The following SH3RF1 variants were observed in gnomAD, a reference collection of about 807,000 sequenced individuals.
The protein encoded by SH3RF1 is SH3 domain containing ring finger 1.
Under a neutral mutation model 74.0 loss-of-function variants are expected in SH3RF1, and 32 were observed. The observed-to-expected ratio is 0.43, with a 90% CI of 0.33 to 0.58. The LOEUF (loss-of-function observed/expected upper bound fraction) is 0.58, where lower values mean the gene tolerates loss of function less well. Among genes scored for constraint, SH3RF1 ranks in the 20% least tolerant of loss-of-function variants. The probability of loss-of-function intolerance (pLI) is 0.05; values close to 1 mark genes in which losing one functional copy is unlikely to be tolerated. For synonymous variants in SH3RF1, 396 were observed against 439.6 expected (o/e 0.90, Z 1.24); for missense variants, 954 against 1,130.9 (o/e 0.84, Z 2.24).
At chr4:169,148,041 A>G (rs1379582517) in intron 4 of SH3RF1, among the ~76,000 whole-genome samples, 6 of 152,198 alleles carry the variant, frequency 3.9e-5, no homozygotes, top group African/African-American at 1.4e-4. Context: ...AACCTCAGAT[A>G]TTTAAAATTG....
chr4:169,108,634 G>A (rs911502078), intron 10 of SH3RF1, among the ~76,000 whole-genome samples: 1 of 152,196 alleles, frequency 6.6e-6, no homozygotes, highest in Non-Finnish European at 1.5e-5. Flanking sequence ...ACTCTCCCGG[G>A]TAGAGGAAGA....
In SH3RF1 at chr4:169,106,892, G is replaced by T; in HGVS notation, c.2453C>A (p.Ser818Tyr). 6.2e-7 allele frequency: 1 copy of T among 1,613,092 alleles called. No homozygotes were observed. Among genetic ancestry groups the T allele is most frequent in the Non-Finnish European group, 8.5e-7 (1 of 1,179,700 alleles). The stretch of plus-strand genomic sequence containing the variant: ...AGACTCATTCAAGACAGGACCCAGG[G>T]AGGAACAGGCCTGGCGAGGAGGTGG... ...IAPPPRQACS[S>Y]LGPVLNESRP... The change falls in exon 11 of 12, where the codon TCC (serine) becomes TAC (tyrosine). Residue 818 changes from serine (S) to tyrosine (Y), a missense_variant. Physicochemically the swap from Ser to Tyr is moderately radical, Grantham distance 144. This residue lies in a region of SH3RF1 where 854 missense variants were observed against 962.5 expected (regional missense o/e 0.89). Transcript: ENST00000284637.
At chr4:169,097,169 C>T (rs908057634) in intron 11 of SH3RF1, among the ~76,000 whole-genome samples, 16 of 152,186 alleles carry the variant, frequency 1.1e-4, no homozygotes, top group African/African-American at 3.1e-4. Context: ...GTTGTAAGCA[C>T]ACAGAGGTCA....
intron 2 of SH3RF1, among the ~76,000 whole-genome samples, chr4:169,181,877 T>C (rs1429711084): frequency 6.6e-6 from 1 of 152,228 alleles, no homozygotes; most frequent in African/African-American, 2.4e-5. Context: ...CCTGCTTTAT[T>C]TCTCTTCATA....
At chr4:169,183,955 C>T (rs1163001201) in intron 2 of SH3RF1, among the ~76,000 whole-genome samples, 2 of 152,162 alleles carry the variant, frequency 1.3e-5, no homozygotes, top group Non-Finnish European at 2.9e-5. Context: ...ATGAGCAGGG[C>T]TAACAGGAAG....
At chr4:169,176,851 T>C (rs544936471) in intron 2 of SH3RF1, among the ~76,000 whole-genome samples, 1 of 152,342 alleles carries the variant, frequency 6.6e-6, no homozygotes, top group African/African-American at 2.4e-5. Context: ...ATTTATATAG[T>C]TCCTTGATTA....
chr4:169,235,070 T>C (rs1014163802), intron 2 of SH3RF1, among the ~76,000 whole-genome samples: 8 of 152,334 alleles, frequency 5.3e-5, no homozygotes, highest in African/African-American at 1.7e-4. Flanking sequence ...ATCTAGATTT[T>C]GATATATTGG....
chr4:169,095,288 G>A lies in SH3RF1; in HGVS notation c.*1231C>T, dbSNP rs534689515. ...GTGGCTAATGCATGCCTTAGCCAGA[G>A]AGGGAGCGAGTGCACTGAAGAGACC... is the stretch of plus-strand genomic sequence containing the variant. On this transcript the variant is annotated 3_prime_UTR_variant, in exon 12 of 12. Coordinates refer to ENST00000284637, the MANE Select transcript of SH3RF1 (RefSeq NM_020870.4). 6.5e-6 allele frequency: 1 copy of A among 152,764 alleles called. No individual in the cohort carries two copies. The highest frequency in any genetic ancestry group is 6.5e-5 in the Admixed American group (1 of 15,306). The allele number at this position is 152,764 out of a possible 1,614,324, so 9.5% of individuals were successfully genotyped here.
intron 4 of SH3RF1, among the ~76,000 whole-genome samples, chr4:169,154,576 A>T (rs942665502): frequency 5.3e-5 from 8 of 152,124 alleles, no homozygotes. Flanking sequence ...TTGGCTTTTG[A>T]ACACGCTGGT....
intron 2 of SH3RF1, among the ~76,000 whole-genome samples, chr4:169,214,624 A>C (rs1251486404): frequency 2.0e-5 from 3 of 152,116 alleles, no homozygotes; most frequent in Non-Finnish European, 4.4e-5. Flanking sequence ...TTTTCCTTGC[A>C]CAGATATTGC....
rs780248496 is a variant in SH3RF1, at chr4:169,116,444, G to A, written c.1964C>T (p.Pro655Leu). 10 of 1,614,088 alleles carry A rather than the reference G, an allele frequency of 6.2e-6. No individual in the cohort carries two copies. The South Asian group carries it at 6.6e-5, about 11-fold the overall frequency. The change falls in exon 10 of 12, where the codon CCT becomes CTT. Residue 655 changes from proline (P) to leucine (L), a missense_variant. This residue lies in a region of SH3RF1 where 854 missense variants were observed against 962.5 expected (regional missense o/e 0.89). Transcript: ENST00000284637. The stretch of plus-strand genomic sequence containing the variant: ...TGGAGCAGCTGCTGCACAGGCCAGA[G>A]GGGCACTGGCTCGACTGATACTGAT... Reference protein sequence around the residue: ...AAISISRASAPLACAAAAPLT... With the variant: ...AAISISRASALLACAAAAPLT...
intron 2 of SH3RF1, among the ~76,000 whole-genome samples, chr4:169,234,501 G>T (rs1406003226): frequency 6.6e-6 from 1 of 152,080 alleles, no homozygotes; most frequent in African/African-American, 2.4e-5. Context: ...AGTTCGTTTG[G>T]GTGAAGAACA....
intron 2 of SH3RF1, among the ~76,000 whole-genome samples, chr4:169,196,291 A>C (rs568367588): frequency 2.0e-5 from 3 of 152,360 alleles, no homozygotes; most frequent in African/African-American, 7.2e-5. Context: ...TGTGGCTTTA[A>C]GTAAAACACC....
intron 2 of SH3RF1, among the ~76,000 whole-genome samples, chr4:169,233,418 T>G (rs1208471122): frequency 1.3e-5 from 2 of 152,152 alleles, no homozygotes; most frequent in African/African-American, 4.8e-5. Flanking sequence ...AATTTAAAAC[T>G]AAAACTATAT....
At chr4:169,220,136 T>C (rs1730542868) in intron 2 of SH3RF1, 1 of 152,212 alleles carries the variant, frequency 6.6e-6, no homozygotes, top group Admixed American at 6.5e-5. Context: ...TGTCTATAGG[T>C]AACTTAGAAA....
intron 4 of SH3RF1, among the ~76,000 whole-genome samples, chr4:169,143,600 T>C (rs965326946): frequency 6.6e-6 from 1 of 152,178 alleles, no homozygotes; most frequent in African/African-American, 2.4e-5. Flanking sequence ...CCCACATTTC[T>C]GACGCCTCCT....
At chr4:169,122,374 A>G (rs530645664) in intron 6 of SH3RF1, 108 bp from the exon 7 acceptor site, 3 of 1,277,286 alleles carry the variant, frequency 2.3e-6, no homozygotes, top group African/African-American at 1.5e-5. Flanking sequence ...CCATAGAACA[A>G]GACTTTAATG....
chr4:169,198,787 T>C (rs1283080751), intron 2 of SH3RF1, among the ~76,000 whole-genome samples: 1 of 151,892 alleles, frequency 6.6e-6, no homozygotes, highest in African/African-American at 2.4e-5. Context: ...AACAAAGAAA[T>C]AACAATTAGG....
Position 169,117,819 on chromosome 4 carries a change from A to C in SH3RF1, c.1518-37T>G, listed in dbSNP as rs1561028175. On this transcript the variant is annotated intron_variant, in intron 8 of 11. Transcript: ENST00000284637. Reference sequence around the variant, plus strand: ...CAAACATAGATGGAAAGCCCAGTCCATCAGCAAAATGACAGAAAGAACAAT... The same window carrying C: ...CAAACATAGATGGAAAGCCCAGTCCCTCAGCAAAATGACAGAAAGAACAAT... 8 of 1,580,440 alleles carry C rather than the reference A, an allele frequency of 5.1e-6. No individual in the cohort carries two copies. The East Asian group carries it at 1.6e-4, about 31-fold the overall frequency.
Sources: allele counts gnomAD v4.1 joint callset (sites outside exome capture counted in the v4.1 genomes callset), GRCh38; gene constraint gnomAD v4.1.1; regional missense constraint gnomAD v4.1.1; transcripts MANE v1.5; gene names NCBI Gene and HGNC (gene_info 2026-07-23, HGNC 2026-07-21).